The following UNC79 variants were observed in gnomAD, a reference collection of about 807,000 sequenced individuals.
The protein encoded by UNC79 is unc-79 subunit of NALCN channel complex, also known as protein unc-79 homolog.
UNC79 carries 37 observed loss-of-function variants against 283.1 expected under a neutral mutation model. The ratio of observed to expected loss-of-function variants is 0.13; its 90% CI spans 0.10 to 0.17. The LOEUF (loss-of-function observed/expected upper bound fraction) is 0.17. UNC79 is among the 10% of genes least tolerant of loss of function. UNC79 has a pLI of 1.00. For synonymous variants in UNC79, 1,107 were observed against 1,200.2 expected (o/e 0.92, Z 1.61); for missense variants, 2,272 against 3,211.1 (o/e 0.71, Z 7.07).
chr14:93,656,344 C>T (rs1303936401), intron 38 of UNC79, among the ~76,000 whole-genome samples: 1 of 152,092 alleles, frequency 6.6e-6, no homozygotes, highest in Non-Finnish European at 1.5e-5. Context: ...GCGGCTCATG[C>T]CTGTAATCCC....
intron 25 of UNC79, among the ~76,000 whole-genome samples, chr14:93,601,789 G>A (rs761028806): frequency 2.6e-5 from 4 of 152,016 alleles, no homozygotes; most frequent in Admixed American, 6.6e-5. Flanking sequence ...TTTAAATTAC[G>A]GCATTCTTGC....
At chr14:93,372,600 G>T (rs1196137910) in intron 1 of UNC79, among the ~76,000 whole-genome samples, 1 of 152,202 alleles carries the variant, frequency 6.6e-6, no homozygotes, top group Non-Finnish European at 1.5e-5. Flanking sequence ...AATGATAAAA[G>T]AGTCAGTTCT....
downstream of UNC79, chr14:93,707,463 A>G (rs1229668293): frequency 1.3e-5 from 2 of 152,398 alleles, no homozygotes; most frequent in Admixed American, 6.5e-5. Context: ...TTGTTTTATA[A>G]TATCATTTTC....
At chr14:93,526,365 A>T (rs2060548172) in intron 8 of UNC79, among the ~76,000 whole-genome samples, 2 of 152,210 alleles carry the variant, frequency 1.3e-5, no homozygotes, top group Admixed American at 6.5e-5. Context: ...AATGTTAAGC[A>T]TAAAGTTATG....
At chr14:93,336,169 AG>A (rs1333232526) in intron 1 of UNC79, among the ~76,000 whole-genome samples, 2 of 152,168 alleles carry the variant, frequency 1.3e-5, no homozygotes, top group Non-Finnish European at 2.9e-5. Flanking sequence ...TTTGAAATTA[AG>A]GAGAAAAGAC....
In UNC79 at chr14:93,533,880, A is replaced by G. The variant is rs1028508592; in HGVS notation, c.1122+1302A>G. Among the ~76,000 whole-genome samples, 5 of 152,362 alleles carry G rather than the reference A, an allele frequency of 3.3e-5. No individual in the cohort carries two copies. In the East Asian group the frequency reaches 5.8e-4, roughly 18 times the overall value. On this transcript the variant is annotated intron_variant, in intron 11 of 48. Transcript: ENST00000555664. ...ATATGCAAAATATGCTCACCATTTT[A>G]TATGACCTCCACAAGTCTTATTCAT...
intron 1 of UNC79, among the ~76,000 whole-genome samples, chr14:93,337,427 C>T (rs1218425405): frequency 6.6e-6 from 1 of 152,250 alleles, no homozygotes; most frequent in African/African-American, 2.4e-5. Context: ...ACTTTCCTGA[C>T]TGGCTAGCTG....
chr14:93,571,779 T>C, intron 14 of UNC79, 115 bp from the exon 15 acceptor site: 1 of 1,074,340 alleles, frequency 9.3e-7, no homozygotes, highest in South Asian at 1.8e-5. Flanking sequence ...GGCCTAGGAC[T>C]CAGACATGAT....
At chr14:93,600,874 G>A (rs1426456988) in intron 25 of UNC79, 104 bp downstream of exon 25, 2 of 1,238,848 alleles carry the variant, frequency 1.6e-6, no homozygotes, top group African/African-American at 1.5e-5. Context: ...TACAGAGGAT[G>A]CCTTGACCTC....
At position 93,433,592 on chromosome 14, in the gene UNC79, A is replaced by G. The variant is rs377447175; in HGVS notation, c.22+2541A>G. Among the ~76,000 whole-genome samples the G allele has an allele frequency of 2.0e-5, 3 of 152,190 alleles. No homozygotes were observed. In the East Asian group the frequency reaches 5.8e-4, roughly 29 times the overall value. On this transcript the variant is annotated intron_variant, in intron 1 of 48. Transcript: ENST00000555664. ...TGGGTGTGAAGACTACTGGATAAGG[A>G]GAGAATGGGAGAGCTCGTTTCTCCT...
intron 1 of UNC79, among the ~76,000 whole-genome samples, chr14:93,434,984 T>C (rs2056027679): frequency 6.6e-6 from 1 of 152,206 alleles, no homozygotes; most frequent in African/African-American, 2.4e-5. Context: ...TGATTAGCAC[T>C]ATGACTTGAA....
intron 14 of UNC79, among the ~76,000 whole-genome samples, chr14:93,545,143 C>G (rs1468814462): frequency 3.3e-5 from 5 of 152,116 alleles, no homozygotes; most frequent in Admixed American, 3.3e-4. Flanking sequence ...GAGGTGAAAA[C>G]TATCTCAAAG....
chr14:93,675,498 T>C (rs2073265382), intron 41 of UNC79, among the ~76,000 whole-genome samples: 1 of 152,118 alleles, frequency 6.6e-6, no homozygotes, highest in Non-Finnish European at 1.5e-5. Flanking sequence ...GGTACAGTAG[T>C]AGAGATGTGT....
Position 93,446,416 on chromosome 14 carries a change from G to A in UNC79, c.22+15365G>A, listed in dbSNP as rs575120505. Among the ~76,000 whole-genome samples the A allele has an allele frequency of 1.9e-3, 281 of 150,348 alleles. 5 individuals are homozygous for A. In the East Asian group the frequency reaches 0.021, roughly 11 times the overall value. On this transcript the variant is annotated intron_variant, in intron 1 of 48. Coordinates refer to ENST00000555664, the Ensembl canonical transcript of UNC79. ...GTGGTTTTTTTTTTTTTTGGTGGGG[G>A]ATGGAGTTTTGCTCTGTTGCCCAGG... is the stretch of plus-strand genomic sequence containing the variant.
chr14:93,634,468 T>G (rs2068334211), intron 31 of UNC79, 53 bp from the exon 34 acceptor site: 2 of 1,363,310 alleles, frequency 1.5e-6, no homozygotes, highest in Non-Finnish European at 2.1e-6. Context: ...GTGGAGCCTT[T>G]GTGTGCTGTG....
At chr14:93,575,132 C>G (rs2063400450) in exon 17 of UNC79, 1 of 1,613,824 alleles carries the variant, frequency 6.2e-7, no homozygotes, top group African/African-American at 1.3e-5. Flanking sequence ...TTAATTCAGT[C>G]AAAGAGCTGG....
chr14:93,513,134 A>G (rs2079296947), intron 7 of UNC79, among the ~76,000 whole-genome samples: 1 of 152,070 alleles, frequency 6.6e-6, no homozygotes, highest in Admixed American at 6.6e-5. Context: ...GTCTTTTAAA[A>G]CAAATTTTAC....
chr14:93,567,295 G>A (rs1018735085), intron 14 of UNC79, among the ~76,000 whole-genome samples: 2 of 152,064 alleles, frequency 1.3e-5, no homozygotes, highest in South Asian at 2.1e-4. Flanking sequence ...GCGCAATCTC[G>A]GCTCAGTGCA....
chr14:93,428,948 C>T (rs929501319), upstream of UNC79, among the ~76,000 whole-genome samples: 7 of 152,092 alleles, frequency 4.6e-5, no homozygotes, highest in Admixed American at 2.0e-4. Context: ...AACTCAGTAA[C>T]GGGAGGGTTA....
Sources: allele counts gnomAD v4.1 joint callset (sites outside exome capture counted in the v4.1 genomes callset), GRCh38; gene constraint gnomAD v4.1.1; transcripts MANE v1.5; gene names NCBI Gene and HGNC (gene_info 2026-07-23, HGNC 2026-07-21).